The following VAV2 variants were observed in gnomAD, a reference collection of about 807,000 sequenced individuals.
VAV2 encodes guanine nucleotide exchange factor VAV2.
In VAV2, 67 loss-of-function variants were observed where a neutral mutation model predicts 132.5. The ratio of observed to expected loss-of-function variants is 0.51; its 90% confidence interval spans 0.42 to 0.62. VAV2 has a LOEUF of 0.62. VAV2 is among the 20% of genes least tolerant of loss of function. The pLI is 0.00. For synonymous variants in VAV2, 492 were observed against 443.5 expected (o/e 1.11, Z -1.37); for missense variants, 938 against 1,153.6 (o/e 0.81, Z 2.71).
rs759504644 is a variant in VAV2 at position 133,806,133 on chromosome 9, C to A, written c.784G>T (p.Val262Leu). The change falls in exon 9 of 30, where the codon GTG (valine) becomes TTG (leucine). Residue 262 changes from valine (V) to leucine (L), a missense_variant. Transcript: ENST00000371850. Reference protein sequence around the residue: ...HSFLRAIDVSVMVGGSTLAKV... With the variant: ...HSFLRAIDVSLMVGGSTLAKV... ...GCCAGCGTGCTGCCCCCCACCATCA[C>A]GGACACGTCGATGGCCCTCAGGAAG... The A allele has an allele frequency of 1.2e-6, 2 of 1,612,930 alleles. No homozygotes were observed. Among genetic ancestry groups the A allele is most frequent in the Admixed American group, 1.7e-5 (1 of 59,998 alleles).
chr9:133,843,650 T>C (rs755531505), intron 3 of VAV2, among the ~76,000 whole-genome samples: 2 of 152,050 alleles, frequency 1.3e-5, no homozygotes, highest in Non-Finnish European at 2.9e-5. Context: ...AGATGTGGTA[T>C]GTGAAGGAAG....
chr9:133,971,421 C>T (rs1461200495), intron 1 of VAV2, among the ~76,000 whole-genome samples: 1 of 152,174 alleles, frequency 6.6e-6, no homozygotes, highest in Non-Finnish European at 1.5e-5. Context: ...GACTCTCTAG[C>T]CTAGAAACTG....
chr9:133,872,601 C>A (rs1037711595), intron 2 of VAV2, among the ~76,000 whole-genome samples: 3 of 152,098 alleles, frequency 2.0e-5, no homozygotes, highest in African/African-American at 7.2e-5. Context: ...CAGGGAAGCC[C>A]CGGGGGTCAG....
chr9:133,905,902 TG>T (rs753649525), intron 2 of VAV2, among the ~76,000 whole-genome samples: 22 of 151,638 alleles, frequency 1.5e-4, no homozygotes, highest in Non-Finnish European at 2.9e-4. Context: ...TAGCCGGGCG[TG>T]GTGGTACACA....
intron 15 of VAV2, 142 bp from the exon 16 acceptor site, chr9:133,787,402 A>T: frequency 1.0e-6 from 1 of 975,188 alleles, no homozygotes. Context: ...GGGTGGGGTG[A>T]TCAGTGGGGA....
chr9:133,897,587 C>T (rs1934656776), intron 2 of VAV2, among the ~76,000 whole-genome samples: 1 of 152,144 alleles, frequency 6.6e-6, no homozygotes, highest in African/African-American at 2.4e-5. Flanking sequence ...AGCCAGAGAG[C>T]TCTGCTGTCT....
intron 4 of VAV2, among the ~76,000 whole-genome samples, chr9:133,832,410 C>T (rs1836297856): frequency 6.6e-6 from 1 of 152,170 alleles, no homozygotes; most frequent in African/African-American, 2.4e-5. Context: ...GGGCCTTATC[C>T]CTAAGGGACT....
intron 3 of VAV2, among the ~76,000 whole-genome samples, chr9:133,837,570 G>C (rs1008127996): frequency 2.5e-4 from 38 of 151,842 alleles, no homozygotes; most frequent in Non-Finnish European, 2.1e-4. Flanking sequence ...GCGGTGGTGG[G>C]CGCCTGTAAT....
chr9:133,783,697 G>A (rs1352959745), intron 18 of VAV2, 106 bp from the exon 19 acceptor site: 104 of 984,140 alleles, frequency 1.1e-4, no homozygotes, highest in African/African-American at 1.6e-5. Context: ...CTGGCTGGCT[G>A]TCTCCCAGCA....
chr9:133,789,190 G>A, intron 14 of VAV2, 68 bp downstream of exon 14: 1 of 1,557,624 alleles, frequency 6.4e-7, no homozygotes, highest in South Asian at 1.1e-5. Flanking sequence ...ACTTAGGAGT[G>A]GCTCCCTGGG....
intron 1 of VAV2, among the ~76,000 whole-genome samples, chr9:133,945,403 A>G (rs1841323332): frequency 6.6e-6 from 1 of 152,172 alleles, no homozygotes; most frequent in Non-Finnish European, 1.5e-5. Flanking sequence ...GACCTGATTG[A>G]TCGGCACATA....
intron 2 of VAV2, among the ~76,000 whole-genome samples, chr9:133,892,496 A>G (rs1338209301): frequency 6.6e-6 from 1 of 151,998 alleles, no homozygotes; most frequent in Non-Finnish European, 1.5e-5. Flanking sequence ...GAATTAAGTC[A>G]CTTGGCCAAG....
intron 2 of VAV2, among the ~76,000 whole-genome samples, chr9:133,864,458 G>GT (rs1346250671): frequency 6.6e-6 from 1 of 152,196 alleles, no homozygotes. Flanking sequence ...GGCTGTGGTG[G>GT]TTGAGTCTGG....
At chr9:133,853,455 T>C (rs1444399563) in intron 3 of VAV2, among the ~76,000 whole-genome samples, 1 of 152,140 alleles carries the variant, frequency 6.6e-6, no homozygotes, top group Non-Finnish European at 1.5e-5. Flanking sequence ...CGGCCTCTGC[T>C]GACGCTTGCT....
chr9:133,851,687 G>A (rs1261479072), intron 3 of VAV2, among the ~76,000 whole-genome samples: 1 of 151,476 alleles, frequency 6.6e-6, no homozygotes, highest in Non-Finnish European at 1.5e-5. Context: ...TGGATGGATG[G>A]ATGGATGGAT....
intron 4 of VAV2, among the ~76,000 whole-genome samples, chr9:133,819,596 T>C (rs1209786888): frequency 6.6e-6 from 1 of 152,102 alleles, no homozygotes; most frequent in Non-Finnish European, 1.5e-5. Context: ...CTGTTGATAC[T>C]GGGGGGGCGG....
At chr9:133,899,790 G>A (rs1276398956) in intron 2 of VAV2, among the ~76,000 whole-genome samples, 1 of 150,084 alleles carries the variant, frequency 6.7e-6, no homozygotes, top group African/African-American at 2.4e-5. Flanking sequence ...GGGAGGCCGA[G>A]GCGGGTGGAT....
rs1229920631 is a variant in VAV2, at chr9:133,770,508, G to A, written c.2224-7C>T. 2.5e-6 allele frequency: 4 copies of A among 1,613,662 alleles called. No individual in the cohort carries two copies. The highest frequency in any genetic ancestry group is 2.5e-6 in the Non-Finnish European group (3 of 1,179,756). ...GGTAGTACTCCACCAACTCCTGCAGGGCGTACACACTCACTGACAGCTGCT... is the reference window on the plus strand; with the variant it reads ...GGTAGTACTCCACCAACTCCTGCAGAGCGTACACACTCACTGACAGCTGCT... On this transcript the variant is annotated splice_polypyrimidine_tract_variant and splice_region_variant and intron_variant, in intron 26 of 29. Transcript: ENST00000371850.
chr9:133,899,830 A>G (rs113275682), intron 2 of VAV2, among the ~76,000 whole-genome samples: 34,972 of 150,136 alleles, frequency 0.23, 4,259 homozygotes, highest in African/African-American at 0.29. Context: ...GACCATCCTG[A>G]CTAACACAGT....
Sources: allele counts gnomAD v4.1 joint callset (sites outside exome capture counted in the v4.1 genomes callset), GRCh38; gene constraint gnomAD v4.1.1; transcripts MANE v1.5; gene names NCBI Gene and HGNC (gene_info 2026-07-23, HGNC 2026-07-21).